EED: variants seen among roughly 807,000 people sequenced by gnomAD.
EED encodes the protein polycomb protein EED.
In EED, 9 loss-of-function variants were observed where a neutral mutation model predicts 61.0. The observed-to-expected ratio is 0.15, with a 90% CI of 0.09 to 0.26. EED has a LOEUF of 0.26. Among genes scored for constraint, EED ranks in the 10% least tolerant of loss-of-function variants. The pLI, the probability that EED is intolerant of heterozygous loss-of-function variation, is 1.00. For synonymous variants in EED, 187 were observed against 174.4 expected, an observed-to-expected ratio of 1.07 and a Z score of -0.57; for missense variants, 315 against 542.3, an observed-to-expected ratio of 0.58 and a Z score of 4.16.
chr11:86,280,748 C>T (rs1211922247), downstream of EED, among the ~76,000 whole-genome samples: 2 of 152,192 alleles, frequency 1.3e-5, no homozygotes, highest in Non-Finnish European at 2.9e-5. Context: ...TGTTCCTCAT[C>T]TTAAAGGAAA....
intron 1 of EED, 109 bp downstream of exon 1, chr11:86,245,452 C>A: frequency 1.1e-6 from 1 of 913,216 alleles, no homozygotes; most frequent in Non-Finnish European, 1.7e-6. Context: ...GGAGAGGTGT[C>A]ACTCAGGAAA....
intron 9 of EED, among the ~76,000 whole-genome samples, chr11:86,272,734 C>T (rs891758871): frequency 1.8e-4 from 27 of 152,122 alleles, no homozygotes; most frequent in African/African-American, 6.5e-4. Context: ...AATCTTTTTT[C>T]AAACTTTTAA....
At chr11:86,262,084 G>A (rs1945844629) in intron 6 of EED, among the ~76,000 whole-genome samples, 1 of 152,114 alleles carries the variant, frequency 6.6e-6, no homozygotes. Flanking sequence ...GACTTGCTAT[G>A]TTGCCCAGGC....
downstream of EED, among the ~76,000 whole-genome samples, chr11:86,280,745 CATCTT>C (rs2138246044): frequency 6.6e-6 from 1 of 152,286 alleles, no homozygotes; most frequent in African/African-American, 2.4e-5. Flanking sequence ...CTTTGTTCCT[CATCTT>C]AAAGGAAAAG....
chr11:86,263,508 G>A (rs970856124), intron 6 of EED, among the ~76,000 whole-genome samples: 4 of 152,120 alleles, frequency 2.6e-5, no homozygotes, highest in African/African-American at 9.7e-5. Context: ...ACTGACTGAT[G>A]GATTAATTAA....
chr11:86,264,098 T>G, intron 6 of EED, 74 bp from the exon 7 acceptor site: 1 of 1,209,268 alleles, frequency 8.3e-7, no homozygotes. Context: ...ACTTTAGTAG[T>G]TTTTCTTTCA....
At chr11:86,282,800 T>C (rs1946338436), downstream of EED, among the ~76,000 whole-genome samples, 1 of 152,158 alleles carries the variant, frequency 6.6e-6, no homozygotes, top group African/African-American at 2.4e-5. Flanking sequence ...CGTAGACAAC[T>C]GGGTATGGCT....
the EED span, among the ~76,000 whole-genome samples, chr11:86,286,965 C>A: frequency 1.6e-5 from 2 of 121,592 alleles, no homozygotes; most frequent in Non-Finnish European, 3.3e-5. Flanking sequence ...GAGCGAGACT[C>A]CGTCTCAAAA....
Position 86,252,236 on chromosome 11 carries a change from A to G in EED, c.356A>G (p.Asn119Ser). Residue 119 changes from asparagine (N) to serine (S), a missense_variant, in exon 3 of 12, where the codon AAC becomes AGC. By Grantham distance (46) the Asn-to-Ser change is conservative. Coordinates refer to ENST00000263360, the MANE Select transcript of EED (RefSeq NM_003797.5). Reference sequence around the variant, plus strand: ...TTAGTGTTTGCAACTGTAGGAAGCAACAGAGTGAGTGTTAAGGGGTCTATT... The same window carrying G: ...TTAGTGTTTGCAACTGTAGGAAGCAGCAGAGTGAGTGTTAAGGGGTCTATT... ...DPLVFATVGS[N>S]RVTLYECHSQ... 1.2e-6 allele frequency: 2 copies of G among 1,608,456 alleles called. No individual in the cohort carries two copies. The highest frequency in any genetic ancestry group is 1.1e-5 in the South Asian group (1 of 90,414).
chr11:86,276,121 T>C (rs1375388986), intron 9 of EED: 1 of 152,192 alleles, frequency 6.6e-6, no homozygotes, highest in African/African-American at 2.4e-5. Context: ...CATTATAAGA[T>C]ATTTAGTAGC....
chr11:86,284,901 C>T, the EED span, among the ~76,000 whole-genome samples: 1 of 151,990 alleles, frequency 6.6e-6, no homozygotes, highest in Non-Finnish European at 1.5e-5. Flanking sequence ...CATCTGAGGT[C>T]AGGAGTTTGA....
intron 4 of EED, among the ~76,000 whole-genome samples, 200 bp from the exon 5 acceptor site, chr11:86,256,187 G>T (rs1483020355): frequency 2.0e-5 from 3 of 152,178 alleles, no homozygotes; most frequent in Non-Finnish European, 4.4e-5. Context: ...AAACAAAATT[G>T]AGTGGAGAGA....
chr11:86,273,528 CTTAA>C (rs1295752906), intron 9 of EED, among the ~76,000 whole-genome samples: 1 of 152,152 alleles, frequency 6.6e-6, no homozygotes, highest in Admixed American at 6.5e-5. Flanking sequence ...TTCAAATCTT[CTTAA>C]TTAATTTTCT....
chr11:86,247,616 T>G (rs1199589136), intron 1 of EED, among the ~76,000 whole-genome samples: 1 of 152,180 alleles, frequency 6.6e-6, no homozygotes, highest in Non-Finnish European at 1.5e-5. Context: ...TGGCAAAAAT[T>G]AAGATGCAAT....
intron 9 of EED, among the ~76,000 whole-genome samples, chr11:86,269,318 A>T (rs1426375409): frequency 2.0e-5 from 3 of 151,842 alleles, no homozygotes; most frequent in Non-Finnish European, 4.4e-5. Context: ...AGTCAAGGCC[A>T]TCTGGGTGTG....
intron 6 of EED, among the ~76,000 whole-genome samples, chr11:86,259,634 C>A (rs1002675895): frequency 6.6e-6 from 1 of 152,146 alleles, no homozygotes; most frequent in Non-Finnish European, 1.5e-5. Flanking sequence ...GGACGTGTAT[C>A]AAGAATTTTT....
At position 86,245,262 on chromosome 11, in the gene EED, G is replaced by A. The variant is rs779476263; in HGVS notation, c.33G>A (p.Ala11=). The change falls in exon 1 of 12, where the codon GCG becomes GCA. Residue 11 remains alanine (A), a synonymous_variant. Transcript: ENST00000263360. The part of the protein sequence containing the change: MSEREVSTAP[A]GTDMPAAKKQ... ...AGAGGGAAGTGTCGACTGCGCCGGC[G>A]GGAACAGACATGCCTGCGGCCAAGA... The A allele has an allele frequency of 7.4e-6, 12 of 1,613,460 alleles. No individual in the cohort carries two copies. The highest frequency in any genetic ancestry group is 3.3e-4 in the Middle Eastern group (2 of 6,060).
At chr11:86,272,339 T>C (rs1297962995) in intron 9 of EED, among the ~76,000 whole-genome samples, 1 of 151,970 alleles carries the variant, frequency 6.6e-6, no homozygotes, top group East Asian at 1.9e-4. Context: ...GTTACAGGCG[T>C]GAGCCACCGC....
chr11:86,259,697 A>G (rs753271352), intron 6 of EED, among the ~76,000 whole-genome samples: 3 of 152,244 alleles, frequency 2.0e-5, no homozygotes, highest in Non-Finnish European at 4.4e-5. Context: ...AAAGTTCTGA[A>G]TGACATTTCT....
Sources: allele counts gnomAD v4.1 joint callset (sites outside exome capture counted in the v4.1 genomes callset), GRCh38; gene constraint gnomAD v4.1.1; transcripts MANE v1.5; gene names NCBI Gene and HGNC (gene_info 2026-07-23, HGNC 2026-07-21).